MYO3B: variants seen among roughly 807,000 people sequenced by gnomAD.
MYO3B encodes the protein myosin-IIIb.
MYO3B carries 156 observed loss-of-function variants against 174.6 expected under a neutral mutation model. That is an observed-to-expected ratio of 0.89 (90% confidence interval 0.78 to 1.02). MYO3B has a LOEUF of 1.02. MYO3B is among the 50% of genes least tolerant of loss of function. The probability of loss-of-function intolerance (pLI) is 0.00; values close to 1 mark genes in which losing one functional copy is unlikely to be tolerated. For missense variants in MYO3B, 1,632 were observed against 1,639.4 expected, an observed-to-expected ratio of 1.00 and a Z score of 0.08; for synonymous variants, 563 against 569.1, an observed-to-expected ratio of 0.99 and a Z score of 0.15.
intron 30 of MYO3B, chr2:170,524,371 C>T (rs543533104): frequency 1.1e-4 from 38 of 356,810 alleles, no homozygotes; most frequent in South Asian, 7.6e-4. Context: ...TATGCAGGGT[C>T]ACACAGAATA....
At chr2:170,439,428 G>T (rs1363086390) in intron 22 of MYO3B, among the ~76,000 whole-genome samples, 1 of 151,952 alleles carries the variant, frequency 6.6e-6, no homozygotes, top group East Asian at 1.9e-4. Context: ...CTATTGAGTT[G>T]TAGGAGTTCC....
intron 28 of MYO3B, among the ~76,000 whole-genome samples, chr2:170,512,728 A>G (rs1241899772): frequency 6.6e-6 from 1 of 152,186 alleles, no homozygotes; most frequent in Non-Finnish European, 1.5e-5. Context: ...TCATTTATAA[A>G]GGGGGAAAAA....
chr2:170,233,757 A>G (rs74626921), intron 6 of MYO3B, among the ~76,000 whole-genome samples: 2,392 of 152,344 alleles, frequency 0.016, 74 homozygotes, highest in African/African-American at 0.054. Context: ...TTTAGAGCAC[A>G]TTTTGCACAG....
intron 6 of MYO3B, among the ~76,000 whole-genome samples, chr2:170,220,917 G>C (rs759564322): frequency 1.3e-5 from 2 of 152,130 alleles, no homozygotes; most frequent in Non-Finnish European, 2.9e-5. Flanking sequence ...TGGGAATCAG[G>C]CCTGCACTAT....
chr2:170,564,116 C>A (rs1691912368), intron 32 of MYO3B, among the ~76,000 whole-genome samples: 1 of 152,140 alleles, frequency 6.6e-6, no homozygotes, highest in Non-Finnish European at 1.5e-5. Flanking sequence ...CACCTTGGGT[C>A]CTTCTTCATG....
intron 7 of MYO3B, among the ~76,000 whole-genome samples, chr2:170,328,899 T>G (rs1338802831): frequency 6.6e-6 from 1 of 152,162 alleles, no homozygotes; most frequent in Non-Finnish European, 1.5e-5. Flanking sequence ...GTGCGGTGGC[T>G]CATGCCTGTA....
intron 11 of MYO3B, 110 bp downstream of exon 11, chr2:170,383,299 A>C: frequency 1.4e-6 from 1 of 707,144 alleles, no homozygotes; most frequent in Admixed American, 2.3e-5. Context: ...CTAGATGTAT[A>C]TACTCCAAAC....
chr2:170,281,785 G>T (rs1218305052), intron 7 of MYO3B, among the ~76,000 whole-genome samples: 1 of 152,158 alleles, frequency 6.6e-6, no homozygotes, highest in Non-Finnish European at 1.5e-5. Context: ...GAATCCAGGA[G>T]TTGGTTTTTT....
At chr2:170,204,200 T>C (rs1323327127) in intron 3 of MYO3B, among the ~76,000 whole-genome samples, 1 of 152,190 alleles carries the variant, frequency 6.6e-6, no homozygotes, top group Non-Finnish European at 1.5e-5. Context: ...AAATGTGCTG[T>C]TCTGGAATTA....
chr2:170,615,692 A>G (rs1695418703), intron 32 of MYO3B, among the ~76,000 whole-genome samples: 1 of 152,234 alleles, frequency 6.6e-6, no homozygotes, highest in Non-Finnish European at 1.5e-5. Context: ...CCCACAATGC[A>G]ATGGGGCTCT....
intron 30 of MYO3B, among the ~76,000 whole-genome samples, chr2:170,532,836 G>T (rs992321715): frequency 1.6e-5 from 2 of 122,782 alleles, no homozygotes; most frequent in Admixed American, 1.6e-4. Flanking sequence ...AAAAAAAAAA[G>T]AGTATCAGGT....
At chr2:170,194,968 A>G (rs999939866) in intron 1 of MYO3B, among the ~76,000 whole-genome samples, 2 of 152,256 alleles carry the variant, frequency 1.3e-5, no homozygotes, top group Non-Finnish European at 2.9e-5. Context: ...GATGAAGTCC[A>G]GAAGACTCAG....
Position 170,495,216 on chromosome 2 carries a change from C to T in MYO3B, c.3015-3376C>T, listed in dbSNP as rs1191123239. Among the ~76,000 whole-genome samples the T allele has an allele frequency of 2.0e-5, 3 of 152,346 alleles. No individual in the cohort carries two copies. The East Asian group carries it at 5.8e-4, about 29-fold the overall frequency. ...AAAATGGATCTTTCCAGAAAACTCTCCCTTCCTGATGGACCTCTTGGCTTG... is the reference window on the plus strand; with the variant it reads ...AAAATGGATCTTTCCAGAAAACTCTTCCTTCCTGATGGACCTCTTGGCTTG... On this transcript the variant is annotated intron_variant, in intron 25 of 34. Coordinates refer to ENST00000408978, the MANE Select transcript of MYO3B (RefSeq NM_138995.5).
chr2:170,633,859 A>C (rs1559182713), intron 32 of MYO3B, among the ~76,000 whole-genome samples: 1 of 152,220 alleles, frequency 6.6e-6, no homozygotes, highest in Non-Finnish European at 1.5e-5. Flanking sequence ...GTGAACTCCC[A>C]TTCACAATTC....
chr2:170,422,463 T>C (rs939797959), intron 22 of MYO3B, among the ~76,000 whole-genome samples: 11 of 38,120 alleles, frequency 2.9e-4, no homozygotes, highest in African/African-American at 1.2e-3. Flanking sequence ...TATTAGCCAC[T>C]TTTTTTTTTT....
intron 25 of MYO3B, among the ~76,000 whole-genome samples, chr2:170,474,607 G>A (rs1272205073): frequency 6.6e-6 from 1 of 151,198 alleles, no homozygotes; most frequent in Non-Finnish European, 1.5e-5. Flanking sequence ...GCCAGGCGTG[G>A]TGGCGCATGC....
At chr2:170,305,683 A>G (rs1361740736) in intron 7 of MYO3B, among the ~76,000 whole-genome samples, 1 of 152,184 alleles carries the variant, frequency 6.6e-6, no homozygotes, top group African/African-American at 2.4e-5. Flanking sequence ...TTATTGCTGC[A>G]TGATAGACTA....
intron 6 of MYO3B, among the ~76,000 whole-genome samples, chr2:170,234,166 G>A (rs1211692314): frequency 1.9e-5 from 1 of 51,580 alleles, no homozygotes; most frequent in Admixed American, 4.1e-4. Context: ...GTGAGACTCC[G>A]TCTCAAAAAA....
intron 25 of MYO3B, among the ~76,000 whole-genome samples, chr2:170,494,742 AAAAAAAGAAGAAG>A (rs1334316985): frequency 1.3e-5 from 2 of 151,582 alleles, no homozygotes; most frequent in East Asian, 1.9e-4. Context: ...AAAAAAAAAA[AAAAAAAGAAGAAG>A]AAAAAAAAGA....
Sources: gnomAD v4.1 joint callset for allele counts (sites outside exome capture counted in the v4.1 genomes callset) on GRCh38, gnomAD v4.1.1 for gene constraint, MANE v1.5 for transcripts, NCBI Gene and HGNC (gene_info 2026-07-23, HGNC 2026-07-21) for gene names.